The following CAMTA1 variants were observed in gnomAD, a reference collection of about 807,000 sequenced individuals.
The protein encoded by CAMTA1 is calmodulin binding transcription activator 1, also known as calmodulin-binding transcription activator 1.
In CAMTA1, 27 loss-of-function variants were observed where a neutral mutation model predicts 170.9. The observed-to-expected ratio is 0.16, with a 90% CI of 0.12 to 0.22. CAMTA1 has a LOEUF of 0.22. CAMTA1 is among the 10% of genes least tolerant of loss of function. CAMTA1 has a pLI of 1.00. For missense variants in CAMTA1, 1,619 were observed against 2,217.2 expected (o/e 0.73, Z 5.42); for synonymous variants, 833 against 891.5 (o/e 0.93, Z 1.17).
intron 11 of CAMTA1, among the ~76,000 whole-genome samples, chr1:7,699,616 C>G (rs754752489): frequency 8.0e-4 from 122 of 152,300 alleles, no homozygotes; most frequent in Non-Finnish European, 1.5e-3. Flanking sequence ...AGTAGCTGTG[C>G]CATTTTACAT....
At chr1:7,425,882 C>G (rs1457480194) in intron 5 of CAMTA1, among the ~76,000 whole-genome samples, 1 of 152,210 alleles carries the variant, frequency 6.6e-6, no homozygotes, top group African/African-American at 2.4e-5. Flanking sequence ...CCAGCTTCCC[C>G]ATCTTCTCCC....
At chr1:7,276,189 A>AT (rs1246084811) in intron 5 of CAMTA1, among the ~76,000 whole-genome samples, 1 of 132,554 alleles carries the variant, frequency 7.5e-6, no homozygotes, top group Admixed American at 7.6e-5. Context: ...CCCATTCATG[A>AT]TTAAAAAAAA....
intron 11 of CAMTA1, among the ~76,000 whole-genome samples, chr1:7,700,301 C>T (rs1053551029): frequency 1.3e-5 from 2 of 152,160 alleles, no homozygotes; most frequent in Admixed American, 6.5e-5. Flanking sequence ...CATTGAATTG[C>T]CTTGTCAGCT....
At chr1:7,614,201 A>G (rs1282499202) in intron 6 of CAMTA1, among the ~76,000 whole-genome samples, 1 of 152,104 alleles carries the variant, frequency 6.6e-6, no homozygotes, top group Non-Finnish European at 1.5e-5. Context: ...AGTCCAGGTC[A>G]GGTTTGGCTG....
chr1:7,441,364 C>T (rs892781658), intron 5 of CAMTA1: 3 of 152,186 alleles, frequency 2.0e-5, no homozygotes, highest in Non-Finnish European at 4.4e-5. Context: ...TACTGTGTTA[C>T]ATTAAGTGTC....
intron 3 of CAMTA1, among the ~76,000 whole-genome samples, chr1:6,879,481 T>C (rs911760262): frequency 2.0e-5 from 3 of 152,234 alleles, no homozygotes; most frequent in Non-Finnish European, 4.4e-5. Flanking sequence ...AGGTATTAGG[T>C]TGGCATTTTA....
intron 1 of CAMTA1, among the ~76,000 whole-genome samples, chr1:6,789,347 G>C (rs1640354706): frequency 1.3e-5 from 2 of 152,112 alleles, no homozygotes; most frequent in Admixed American, 1.3e-4. Context: ...GTTTAGTTTA[G>C]TCTCCTGTTT....
chr1:6,808,836 C>T (rs1397606960), intron 1 of CAMTA1, among the ~76,000 whole-genome samples: 3 of 152,048 alleles, frequency 2.0e-5, no homozygotes, highest in Non-Finnish European at 2.9e-5. Flanking sequence ...GCTCGCATGG[C>T]TGAGGAGTGT....
intron 3 of CAMTA1, among the ~76,000 whole-genome samples, chr1:7,090,899 A>G (rs1266705242): frequency 6.6e-6 from 1 of 152,214 alleles, no homozygotes; most frequent in East Asian, 1.9e-4. Flanking sequence ...TGTGACAGAG[A>G]TGAAAGATTC....
chr1:7,230,265 A>G (rs1468825962), intron 4 of CAMTA1, among the ~76,000 whole-genome samples: 1 of 152,052 alleles, frequency 6.6e-6, no homozygotes, highest in Non-Finnish European at 1.5e-5. Context: ...GCAATTTGAG[A>G]GAGCTCTGGG....
At position 7,682,634 on chromosome 1, in the gene CAMTA1, G is replaced by C. The variant is rs565304338; in HGVS notation, c.2914+4901G>C. Among the ~76,000 whole-genome samples, 39 of 152,334 alleles carry C rather than the reference G, an allele frequency of 2.6e-4. No homozygotes were observed. The highest frequency in any genetic ancestry group is 8.9e-4 in the African/African-American group (37 of 41,572). On this transcript the variant is annotated intron_variant, in intron 11 of 22. Transcript: ENST00000303635. This position sits in a 1 kb window ranked among gnomAD's most constrained non-coding sequence, Gnocchi z 5.0. ...CACCAGAGCTGGGAGATCACACACT[G>C]TCCCAGAGTCCAGGGGTACATTCCA...
At chr1:7,659,452 T>C (rs3121225) in intron 7 of CAMTA1, among the ~76,000 whole-genome samples, 101,533 of 151,938 alleles carry the variant, frequency 0.67, 34,448 homozygotes, top group East Asian at 0.92. Context: ...AAGAATCGCT[T>C]GAACTCAGGA....
At position 7,272,281 on chromosome 1, in the gene CAMTA1, G is replaced by A. The variant is rs59081913; in HGVS notation, c.438+22655G>A. ...AATAAATGAAAAGACATCTCATGTT[G>A]TTGGATCACAACACTTAATATTGTT... On this transcript the variant is annotated intron_variant, in intron 5 of 22. Coordinates refer to ENST00000303635, the MANE Select transcript of CAMTA1 (RefSeq NM_015215.4). Among the ~76,000 whole-genome samples the A allele has an allele frequency of 5.8e-3, 889 of 152,186 alleles. 19 individuals carry two copies. The East Asian group carries it at 0.065, about 11-fold the overall frequency.
chr1:6,967,827 G>A (rs1223127158), intron 3 of CAMTA1, among the ~76,000 whole-genome samples: 1 of 152,176 alleles, frequency 6.6e-6, no homozygotes, highest in African/African-American at 2.4e-5. Context: ...CTTAGGGCAG[G>A]GGGTGAAGTC....
intron 7 of CAMTA1, among the ~76,000 whole-genome samples, chr1:7,650,612 G>T (rs543109531): frequency 2.0e-5 from 3 of 152,312 alleles, no homozygotes; most frequent in African/African-American, 7.2e-5. Flanking sequence ...CCCCAACAGC[G>T]AGCACCAGAA....
chr1:7,650,750 G>C (rs58905635), intron 7 of CAMTA1, among the ~76,000 whole-genome samples: 32,918 of 152,118 alleles, frequency 0.22, 3,831 homozygotes, highest in African/African-American at 0.3. Context: ...TTGTCCTCAG[G>C]ACCAATAGGC....
chr1:6,802,926 G>A (rs1218558868), intron 1 of CAMTA1, among the ~76,000 whole-genome samples: 1 of 152,154 alleles, frequency 6.6e-6, no homozygotes, highest in Non-Finnish European at 1.5e-5. Flanking sequence ...TATGTTTTTA[G>A]TAGAGACAGG....
chr1:7,359,394 G>T (rs547430140), intron 5 of CAMTA1, among the ~76,000 whole-genome samples: 1 of 152,282 alleles, frequency 6.6e-6, no homozygotes, highest in South Asian at 2.1e-4. Context: ...TGAGGCTGGA[G>T]AGCCCCTCCC....
chr1:7,675,035 G>A (rs1335479925), intron 10 of CAMTA1, among the ~76,000 whole-genome samples: 1 of 152,182 alleles, frequency 6.6e-6, no homozygotes, highest in Non-Finnish European at 1.5e-5. Flanking sequence ...GTAGAATATG[G>A]TAATAAGGTC....
Sources: gnomAD v4.1 joint callset for allele counts (sites outside exome capture counted in the v4.1 genomes callset) on GRCh38, gnomAD v4.1.1 for gene constraint, Gnocchi (gnomAD v3.1) non-coding constraint, MANE v1.5 for transcripts, NCBI Gene and HGNC (gene_info 2026-07-23, HGNC 2026-07-21) for gene names.